The following TIAM1 variants were observed in gnomAD, a reference collection of about 807,000 sequenced individuals.
The protein encoded by TIAM1 is rho guanine nucleotide exchange factor TIAM1.
Under a neutral mutation model 163.5 loss-of-function variants are expected in TIAM1, and 65 were observed. The ratio of observed to expected loss-of-function variants is 0.40; its 90% CI spans 0.33 to 0.49. The LOEUF is 0.49. Among genes scored for constraint, TIAM1 ranks in the 20% least tolerant of loss-of-function variants. TIAM1 has a pLI of 0.77. For synonymous variants in TIAM1, 833 were observed against 810.1 expected, an observed-to-expected ratio of 1.03 and a Z score of -0.48; for missense variants, 1,789 against 2,044.7, an observed-to-expected ratio of 0.87 and a Z score of 2.41.
At chr21:31,163,703 A>G (rs2084048066) in intron 16 of TIAM1, among the ~76,000 whole-genome samples, 1 of 152,226 alleles carries the variant, frequency 6.6e-6, no homozygotes, top group Non-Finnish European at 1.5e-5. Context: ...TTCATGTTTG[A>G]AAAGCATTTT....
intron 2 of TIAM1, among the ~76,000 whole-genome samples, chr21:31,451,086 G>A (rs1435329280): frequency 3.3e-5 from 5 of 150,544 alleles, no homozygotes; most frequent in Admixed American, 6.6e-5. Flanking sequence ...AAAAAGGTTC[G>A]CTCTGGATGG....
intron 6 of TIAM1, among the ~76,000 whole-genome samples, chr21:31,239,126 A>AT (rs796569075): frequency 0.023 from 3,423 of 145,828 alleles, 105 homozygotes; most frequent in African/African-American, 0.073. Context: ...CAGAAAAACA[A>AT]TTTTTTTTTT....
chr21:31,553,752 C>A (rs893002887), intron 1 of TIAM1, among the ~76,000 whole-genome samples: 1 of 152,036 alleles, frequency 6.6e-6, no homozygotes, highest in Non-Finnish European at 1.5e-5. Flanking sequence ...CAGACCCTCA[C>A]CCCTACCTCA....
chr21:31,429,334 T>C (rs1033998236), intron 2 of TIAM1, among the ~76,000 whole-genome samples: 6 of 152,108 alleles, frequency 3.9e-5, no homozygotes, highest in Admixed American at 1.3e-4. Flanking sequence ...GGAAAGTAAA[T>C]TGGCAACATC....
chr21:31,203,192 G>A (rs753550889), intron 11 of TIAM1, among the ~76,000 whole-genome samples, 180 bp from the exon 12 acceptor site: 5 of 152,086 alleles, frequency 3.3e-5, no homozygotes, highest in Non-Finnish European at 7.4e-5. Flanking sequence ...GCGCAATCTC[G>A]GCTCACTGCA....
chr21:31,375,717 T>C (rs969213603), intron 2 of TIAM1, among the ~76,000 whole-genome samples: 1 of 152,136 alleles, frequency 6.6e-6, no homozygotes, highest in East Asian at 1.9e-4. Flanking sequence ...TTTTACTATA[T>C]GCAAACCTGT....
chr21:31,383,793 C>T (rs1210435423), intron 2 of TIAM1, among the ~76,000 whole-genome samples: 1 of 152,168 alleles, frequency 6.6e-6, no homozygotes, highest in Non-Finnish European at 1.5e-5. Flanking sequence ...GAGCTCATTA[C>T]AGTATGTGGG....
rs568062993 is a variant in TIAM1, at chr21:31,307,323, G to A, written c.-188-30415C>T. ...GCAGGTTGTGCAAATTCAGGGCTTTGCTCTGTCTTTTCATGCCAAGCCACT... is the reference window on the plus strand; with the variant it reads ...GCAGGTTGTGCAAATTCAGGGCTTTACTCTGTCTTTTCATGCCAAGCCACT... On this transcript the variant is annotated intron_variant, in intron 2 of 27. Transcript: ENST00000541036. Among the ~76,000 whole-genome samples the A allele has an allele frequency of 1.3e-5, 2 of 152,244 alleles. 1 individual carries two copies. The highest frequency in any genetic ancestry group is 4.2e-4 in the South Asian group (2 of 4,816).
At chr21:31,219,697 G>A (rs2087437052) in intron 8 of TIAM1, among the ~76,000 whole-genome samples, 2 of 152,016 alleles carry the variant, frequency 1.3e-5, no homozygotes, top group Non-Finnish European at 2.9e-5. Flanking sequence ...GAGCTGAGAG[G>A]TCTTGCATTT....
chr21:31,298,734 G>T (rs2074382033), intron 2 of TIAM1, among the ~76,000 whole-genome samples: 2 of 123,714 alleles, frequency 1.6e-5, no homozygotes, highest in Admixed American at 8.0e-5. Context: ...ATCCAATTGA[G>T]GGTGTGTGTG....
chr21:31,398,158 CAAA>C (rs34895602), intron 2 of TIAM1, among the ~76,000 whole-genome samples: 7 of 52,488 alleles, frequency 1.3e-4, no homozygotes, highest in Non-Finnish European at 1.5e-4. Context: ...ATCTTCAGGG[CAAA>C]AAAAAAAAAA....
chr21:31,130,900 T>C lies in TIAM1; in HGVS notation c.3932A>G (p.Lys1311Arg), dbSNP rs1217162002. 1.2e-6 allele frequency: 2 copies of C among 1,614,058 alleles called. No homozygotes were observed. Among genetic ancestry groups the C allele is most frequent in the African/African-American group, 1.3e-5 (1 of 75,062 alleles). ...CATAAGATGTCTTACAAGTTTCTTC[T>C]TCTGTTTGGAACCATCTTTATACAC... ...VLVYKDGSKQ[K>R]KKLVGSHRLS... Residue 1311 changes from lysine to arginine, a missense_variant, in exon 24 of 28, where the codon AAG (lysine) becomes AGG (arginine). Transcript: ENST00000541036.
intron 2 of TIAM1, among the ~76,000 whole-genome samples, chr21:31,397,748 C>T (rs943222394): frequency 4.6e-5 from 7 of 152,146 alleles, no homozygotes; most frequent in Admixed American, 1.3e-4. Flanking sequence ...CAGAAAGAAA[C>T]GCTTTCATTC....
At chr21:31,214,557 G>T (rs534691621) in intron 9 of TIAM1, among the ~76,000 whole-genome samples, 8 of 151,926 alleles carry the variant, frequency 5.3e-5, no homozygotes, top group South Asian at 4.2e-4. Flanking sequence ...CAACATAGGG[G>T]TTTTTTTAAT....
intron 5 of TIAM1, among the ~76,000 whole-genome samples, chr21:31,250,018 T>C (rs1223428619): frequency 6.6e-6 from 1 of 151,824 alleles, no homozygotes; most frequent in Non-Finnish European, 1.5e-5. Flanking sequence ...TGGTGGCACA[T>C]GCCTGTAGTC....
intron 13 of TIAM1, among the ~76,000 whole-genome samples, chr21:31,190,215 T>G (rs2085488060): frequency 6.6e-6 from 1 of 152,098 alleles, no homozygotes; most frequent in Admixed American, 6.6e-5. Context: ...AGACCAGCCC[T>G]GGCAACACAG....
intron 20 of TIAM1, among the ~76,000 whole-genome samples, chr21:31,145,435 G>A (rs2083065307): frequency 6.6e-6 from 1 of 152,214 alleles, no homozygotes; most frequent in Admixed American, 6.5e-5. Flanking sequence ...TTAAGGAACA[G>A]CAAGCTGATT....
Position 31,252,194 on chromosome 21 carries a change from G to A in TIAM1, c.964-5C>T, listed in dbSNP as rs371456303. 3 of 1,599,540 alleles carry A rather than the reference G, an allele frequency of 1.9e-6. No homozygotes were observed. The highest frequency in any genetic ancestry group is 2.5e-6 in the Non-Finnish European group (3 of 1,177,838). ...GCCCTCGCCTGCATTAACATCCTTG[G>A]GAGCAGAAAGAGAGAGCAAAGAAGA... On this transcript the variant is annotated splice_polypyrimidine_tract_variant and splice_region_variant and intron_variant, in intron 4 of 27. Coordinates refer to ENST00000541036, the MANE Select transcript of TIAM1 (RefSeq NM_001353694.2).
intron 1 of TIAM1, among the ~76,000 whole-genome samples, chr21:31,556,138 G>A (rs1023422195): frequency 6.6e-6 from 1 of 152,152 alleles, no homozygotes; most frequent in Non-Finnish European, 1.5e-5. Flanking sequence ...AACAGCAGGG[G>A]GGAAAGAGGC....
Sources: gnomAD v4.1 joint callset for allele counts (sites outside exome capture counted in the v4.1 genomes callset) on GRCh38, gnomAD v4.1.1 for gene constraint, MANE v1.5 for transcripts, NCBI Gene and HGNC (gene_info 2026-07-23, HGNC 2026-07-21) for gene names.